Variants in MARCHF6 observed in about 807,000 individuals in gnomAD.
MARCHF6 encodes membrane associated ring-CH-type finger 6.
A neutral mutation model predicts 133.7 loss-of-function variants in MARCHF6; 31 were observed. That is an observed-to-expected ratio of 0.23 (90% confidence interval 0.17 to 0.31). The LOEUF (loss-of-function observed/expected upper bound fraction) is 0.31, where lower values mean the gene tolerates loss of function less well. Among genes scored for constraint, MARCHF6 ranks in the 10% least tolerant of loss-of-function variants. The pLI, the probability that MARCHF6 is intolerant of heterozygous loss-of-function variation, is 1.00. For missense variants in MARCHF6, 723 were observed against 1,121.6 expected, an observed-to-expected ratio of 0.64 and a Z score of 5.08; for synonymous variants, 395 against 402.5, an observed-to-expected ratio of 0.98 and a Z score of 0.22.
At chr5:10,391,443 T>C (rs936294907) in intron 6 of MARCHF6, 99 bp from the exon 7 acceptor site, 1 of 476,660 alleles carries the variant, frequency 2.1e-6, no homozygotes, top group African/African-American at 2.1e-5. Context: ...TAGGTTTTTT[T>C]TTTTTTTTTT....
intron 22 of MARCHF6, among the ~76,000 whole-genome samples, chr5:10,418,292 A>T (rs1168714569): frequency 2.0e-5 from 3 of 151,226 alleles, no homozygotes; most frequent in Non-Finnish European, 4.4e-5. Context: ...AGGTGGGAGG[A>T]TCTCTTGAGC....
In MARCHF6 at chr5:10,436,262, T is replaced by C. The variant is rs202047186; in HGVS notation, c.*2578T>C. On this transcript the variant is annotated 3_prime_UTR_variant, in exon 26 of 26. Coordinates refer to ENST00000274140, the MANE Select transcript of MARCHF6 (RefSeq NM_005885.4). ...AATTGCCCTCCATTTTACTGGCAGGTAATTTATATTGTCTTACTTAAGAAT... is the reference window on the plus strand; with the variant it reads ...AATTGCCCTCCATTTTACTGGCAGGCAATTTATATTGTCTTACTTAAGAAT... 5.9e-5 allele frequency: 9 copies of C among 152,252 alleles called. No homozygotes were observed. Among genetic ancestry groups the C allele is most frequent in the African/African-American group, 2.2e-4 (9 of 41,568 alleles). 9.4% of individuals were successfully genotyped at this position (152,252 alleles called of 1,614,324 possible).
intron 1 of MARCHF6, among the ~76,000 whole-genome samples, chr5:10,357,209 T>A (rs1735524414): frequency 1.3e-5 from 1 of 75,566 alleles, no homozygotes; most frequent in African/African-American, 5.3e-5. Flanking sequence ...TGGTCAAGGA[T>A]ATACTTTTTT....
At chr5:10,410,468 A>G (rs1374314313) in intron 18 of MARCHF6, among the ~76,000 whole-genome samples, 192 bp downstream of exon 18, 1 of 152,042 alleles carries the variant, frequency 6.6e-6, no homozygotes, top group Non-Finnish European at 1.5e-5. Context: ...CCTTTCATGG[A>G]GAATATATAC....
intron 5 of MARCHF6, among the ~76,000 whole-genome samples, chr5:10,387,601 C>A (rs1737566449): frequency 6.6e-6 from 1 of 152,156 alleles, no homozygotes; most frequent in Non-Finnish European, 1.5e-5. Flanking sequence ...CCGCGCCCGT[C>A]CGGGATGACT....
At chr5:10,389,117 A>C (rs1009211689) in intron 5 of MARCHF6, among the ~76,000 whole-genome samples, 1 of 152,162 alleles carries the variant, frequency 6.6e-6, no homozygotes, top group African/African-American at 2.4e-5. Context: ...TCTATGGAGG[A>C]AAAAAGTGAT....
intron 4 of MARCHF6, among the ~76,000 whole-genome samples, chr5:10,382,809 G>T (rs1215060866): frequency 6.6e-6 from 1 of 152,072 alleles, no homozygotes; most frequent in South Asian, 2.1e-4. Flanking sequence ...CCTGGGCAAC[G>T]GAGTGAGACT....
At position 10,415,735 on chromosome 5, in the gene MARCHF6, T is replaced by C. The variant is rs929538532; in HGVS notation, c.2148+66T>C. 45 of 1,412,370 alleles carry C rather than the reference T, an allele frequency of 3.2e-5. No individual in the cohort carries two copies. The African/African-American group carries it at 6.3e-4, about 20-fold the overall frequency. 87.5% of individuals were successfully genotyped at this position (1,412,370 alleles called of 1,614,324 possible). A position where few individuals can be genotyped will look rare whatever the true frequency, so the allele number is the denominator to read the frequency against. On this transcript the variant is annotated intron_variant, in intron 21 of 25. Coordinates refer to ENST00000274140, the MANE Select transcript of MARCHF6 (RefSeq NM_005885.4). ...ATAGTGAATATTTTTCCAGTCATCTTAAATTTTTTTTTTTGGCACATTTAT... is the reference window on the plus strand; with the variant it reads ...ATAGTGAATATTTTTCCAGTCATCTCAAATTTTTTTTTTTGGCACATTTAT...
chr5:10,379,189 T>G (rs527991309), intron 3 of MARCHF6, among the ~76,000 whole-genome samples: 1 of 152,292 alleles, frequency 6.6e-6, no homozygotes, highest in South Asian at 2.1e-4. Flanking sequence ...TTGTTTTACA[T>G]ACACTCTTGT....
chr5:10,420,424 AAC>A (rs547454881), intron 22 of MARCHF6, among the ~76,000 whole-genome samples: 89 of 152,096 alleles, frequency 5.9e-4, no homozygotes, highest in Middle Eastern at 3.4e-3. Context: ...CTCAAAGGGA[AAC>A]ACACAACTAG....
rs1168605401 is a variant in MARCHF6 at position 10,415,667 on chromosome 5, A to G, written c.2146A>G (p.Met716Val). 1.2e-6 allele frequency: 2 copies of G among 1,613,578 alleles called. No individual in the cohort carries two copies. The highest frequency in any genetic ancestry group is 1.3e-5 in the African/African-American group (1 of 74,886). The change falls in exon 21 of 26, where the codon ATG (methionine) becomes GTG (valine). Residue 716 changes from methionine (M) to valine (V), a missense_variant and splice_region_variant. This residue lies in a region of MARCHF6 where 492 missense variants were observed against 699.5 expected (regional missense o/e 0.70). Coordinates refer to ENST00000274140, the MANE Select transcript of MARCHF6 (RefSeq NM_005885.4). ...IFQKVKEWSLMIMKTLIVAVL... is the reference protein window; with the variant it reads ...IFQKVKEWSLVIMKTLIVAVL... ...CCAGAAGGTTAAAGAGTGGTCTCTC[A>G]TGGTATGTGTGTGTAATACAAGACT...
intron 11 of MARCHF6, 106 bp from the exon 12 acceptor site, chr5:10,401,953 T>A: frequency 1.4e-6 from 1 of 705,764 alleles, no homozygotes; most frequent in Non-Finnish European, 2.5e-6. Flanking sequence ...GGTTATAAAT[T>A]GTCTCAACAA....
Position 10,353,711 on chromosome 5 carries a change from C to A in MARCHF6, c.-188C>A, listed in dbSNP as rs930474237. On this transcript the variant is annotated 5_prime_UTR_variant, in exon 1 of 26. Coordinates refer to ENST00000274140, the MANE Select transcript of MARCHF6 (RefSeq NM_005885.4). ...CCCCTAGGTGTTCCCGCCCCTCCCC[C>A]TCCCGTGTCGCTCGCTTTCTGTCAG... 4.1e-6 allele frequency: 2 copies of A among 493,264 alleles called. No individual in the cohort carries two copies. Among genetic ancestry groups the A allele is most frequent in the South Asian group, 2.4e-5 (1 of 42,222 alleles). 30.6% of individuals were successfully genotyped at this position (493,264 alleles called of 1,614,324 possible).
At chr5:10,379,306 G>T (rs942417974) in intron 3 of MARCHF6, among the ~76,000 whole-genome samples, 4 of 151,356 alleles carry the variant, frequency 2.6e-5, no homozygotes, top group African/African-American at 7.3e-5. Context: ...AAAAGGTAAG[G>T]GTTCTTTTTC....
intron 11 of MARCHF6, chr5:10,401,154 C>T (rs1179029667): frequency 4.0e-6 from 1 of 252,260 alleles, no homozygotes; most frequent in African/African-American, 2.2e-5. Context: ...TTTCCCTTTC[C>T]CCAGGTGCCC....
chr5:10,402,050 T>C lies in MARCHF6; in HGVS notation c.973-9T>C, dbSNP rs767879289. The stretch of plus-strand genomic sequence containing the variant: ...AATTAAATTTTATTTACTTTTTTCT[T>C]ATTTCCAGGTCCAAGCATCTCATTT... On this transcript the variant is annotated splice_polypyrimidine_tract_variant and intron_variant, in intron 11 of 25. Transcript: ENST00000274140. 5.1e-6 allele frequency: 8 copies of C among 1,572,938 alleles called. No individual in the cohort carries two copies. Among genetic ancestry groups the C allele is most frequent in the Non-Finnish European group, 7.0e-6 (8 of 1,143,098 alleles).
chr5:10,356,358 T>TG (rs1735462557), intron 1 of MARCHF6, among the ~76,000 whole-genome samples: 1 of 123,790 alleles, frequency 8.1e-6, no homozygotes, highest in Non-Finnish European at 1.8e-5. Flanking sequence ...TTTTATTTTA[T>TG]TTTATTTTAT....
chr5:10,389,345 C>G (rs969289234), intron 5 of MARCHF6, among the ~76,000 whole-genome samples: 1 of 152,148 alleles, frequency 6.6e-6, no homozygotes, highest in Non-Finnish European at 1.5e-5. Flanking sequence ...TGTTGAGAAA[C>G]TAATACACTT....
chr5:10,410,427 C>G, intron 18 of MARCHF6, 151 bp downstream of exon 18: 1 of 897,566 alleles, frequency 1.1e-6, no homozygotes, highest in Non-Finnish European at 1.6e-6. Flanking sequence ...TATAATACTT[C>G]TAAATGAAAT....
Sources: allele counts gnomAD v4.1 joint callset (sites outside exome capture counted in the v4.1 genomes callset), GRCh38; gene constraint gnomAD v4.1.1; regional missense constraint gnomAD v4.1.1; transcripts MANE v1.5; gene names NCBI Gene and HGNC (gene_info 2026-07-23, HGNC 2026-07-21).